Variants in EEA1 observed in about 807,000 individuals in gnomAD.
The protein encoded by EEA1 is early endosome antigen 1, 162kD.
EEA1 carries 111 observed loss-of-function variants against 209.2 expected under a neutral mutation model. The observed-to-expected ratio is 0.53, with a 90% CI of 0.45 to 0.62. The LOEUF is 0.62. EEA1 is among the 20% of genes least tolerant of loss of function. The pLI is 0.00. For missense variants in EEA1, 1,343 were observed against 1,530.8 expected (o/e 0.88, Z 2.05); for synonymous variants, 536 against 540.6 (o/e 0.99, Z 0.12).
At chr12:92,805,870 A>G (rs1390242067) in intron 18 of EEA1, among the ~76,000 whole-genome samples, 2 of 152,200 alleles carry the variant, frequency 1.3e-5, no homozygotes, top group Non-Finnish European at 2.9e-5. Flanking sequence ...CTTCTAAACC[A>G]ATCCACCCTT....
At chr12:92,844,256 G>A (rs1877299236) in intron 9 of EEA1, among the ~76,000 whole-genome samples, 1 of 151,942 alleles carries the variant, frequency 6.6e-6, no homozygotes, top group African/African-American at 2.4e-5. Context: ...GTTCCAGATG[G>A]GCTAAAAGTC....
At chr12:92,925,619 T>A (rs1250210876) in intron 1 of EEA1, among the ~76,000 whole-genome samples, 1 of 152,254 alleles carries the variant, frequency 6.6e-6, no homozygotes, top group South Asian at 2.1e-4. Flanking sequence ...TTTAAATTCA[T>A]GTTTTTCTTT....
In EEA1 at chr12:92,857,485, T is replaced by G; in HGVS notation, c.246A>C (p.Arg82=). Residue 82 remains arginine, a splice_region_variant and synonymous_variant, in exon 4 of 29, where the codon CGA becomes CGC. Transcript: ENST00000322349. Reference sequence around the variant, plus strand: ...CTTGTCTGAGCAGTGTTACATCATCTCTAAATAAAAATGGGAGGAAGGAAT... The same window carrying G: ...CTTGTCTGAGCAGTGTTACATCATCGCTAAATAAAAATGGGAGGAAGGAAT... The part of the protein sequence containing the change: ...HGGESNLALK[R]DDVTLLRQEV... 6.4e-7 allele frequency: 1 copy of G among 1,564,432 alleles called. No individual in the cohort carries two copies. The highest frequency in any genetic ancestry group is 1.3e-5 in the South Asian group (1 of 79,902).
intron 2 of EEA1, among the ~76,000 whole-genome samples, chr12:92,882,310 G>A (rs1211234852): frequency 1.3e-5 from 2 of 151,912 alleles, no homozygotes; most frequent in African/African-American, 2.4e-5. Flanking sequence ...GTTTCATCAC[G>A]TTGGCCAGGC....
chr12:92,920,446 T>A (rs1223660539), intron 1 of EEA1, among the ~76,000 whole-genome samples: 1 of 145,292 alleles, frequency 6.9e-6, no homozygotes, highest in East Asian at 1.9e-4. Flanking sequence ...TAACGCCGCA[T>A]ACCTACAACT....
At chr12:92,889,262 T>C (rs751470147) in intron 2 of EEA1, among the ~76,000 whole-genome samples, 1 of 147,788 alleles carries the variant, frequency 6.8e-6, no homozygotes, top group African/African-American at 2.5e-5. Flanking sequence ...CATGTGAAGG[T>C]TGCTTACCAA....
intron 21 of EEA1, among the ~76,000 whole-genome samples, chr12:92,793,022 C>T (rs527654769): frequency 1.6e-4 from 25 of 152,140 alleles, no homozygotes; most frequent in East Asian, 9.6e-4. Context: ...ACAGAACCAA[C>T]GACAAAAACC....
At chr12:92,830,114 T>A (rs531246610) in intron 11 of EEA1, among the ~76,000 whole-genome samples, 1 of 152,046 alleles carries the variant, frequency 6.6e-6, no homozygotes, top group East Asian at 1.9e-4. Context: ...ACACAACACA[T>A]ACATGCAAGA....
chr12:92,841,935 A>C (rs1375441619), intron 10 of EEA1, among the ~76,000 whole-genome samples: 1 of 152,238 alleles, frequency 6.6e-6, no homozygotes, highest in Non-Finnish European at 1.5e-5. Context: ...TGAAAGTGGC[A>C]TTACAGCCAA....
At position 92,832,611 on chromosome 12, in the gene EEA1, C is replaced by A. The variant is rs1396691784; in HGVS notation, c.1155G>T (p.Glu385Asp). ...CCGCCTTTAGATGCTGGTACTTGGT[C>A]TCTACCTCAGATAATTCTTCTTTGA... Reference protein sequence around the residue: ...QKLKEELSEVETKYQHLKAEF... With the variant: ...QKLKEELSEVDTKYQHLKAEF... The change falls in exon 11 of 29, where the codon GAG (glutamate) becomes GAT (aspartate). Residue 385 changes from glutamate to aspartate, a missense_variant. Coordinates refer to ENST00000322349, the MANE Select transcript of EEA1 (RefSeq NM_003566.4). 6.2e-7 allele frequency: 1 copy of A among 1,613,926 alleles called. No individual in the cohort carries two copies. The highest frequency in any genetic ancestry group is 1.3e-5 in the African/African-American group (1 of 74,928).
intron 22 of EEA1, among the ~76,000 whole-genome samples, chr12:92,783,230 C>A (rs1307045114): frequency 2.0e-5 from 3 of 152,154 alleles, no homozygotes; most frequent in African/African-American, 7.2e-5. Context: ...AGCCCCCAAT[C>A]TGTGGGATTT....
intron 2 of EEA1, chr12:92,879,201 ATTT>A (rs34766702): frequency 2.7e-4 from 64 of 233,862 alleles, no homozygotes; most frequent in Non-Finnish European, 3.9e-4. Flanking sequence ...TGGATTCTGG[ATTT>A]TTTTTTTTTT....
intron 12 of EEA1, among the ~76,000 whole-genome samples, chr12:92,826,615 T>C (rs1473694017): frequency 6.7e-6 from 1 of 149,818 alleles, no homozygotes; most frequent in African/African-American, 2.5e-5. Flanking sequence ...CTCAGGAGGC[T>C]GAGGCAGGAG....
At chr12:92,892,908 G>GC (rs1879713916) in intron 1 of EEA1, among the ~76,000 whole-genome samples, 1 of 152,150 alleles carries the variant, frequency 6.6e-6, no homozygotes, top group South Asian at 2.1e-4. Flanking sequence ...GTGATTACAG[G>GC]CATGAGCCAC....
chr12:92,839,397 A>G (rs61933758), intron 10 of EEA1, among the ~76,000 whole-genome samples: 39,222 of 152,136 alleles, frequency 0.26, 5,559 homozygotes, highest in Non-Finnish European at 0.32. Context: ...TGAGCACAGT[A>G]TCAAATAAAG....
intron 2 of EEA1, among the ~76,000 whole-genome samples, chr12:92,875,800 G>A (rs1565845706): frequency 6.6e-6 from 1 of 152,100 alleles, no homozygotes; most frequent in Non-Finnish European, 1.5e-5. Flanking sequence ...TGCTCACTAT[G>A]CTACAGCTAC....
rs143715672 is a variant in EEA1, at chr12:92,832,514, G to T, written c.1252C>A (p.Gln418Lys). The T allele has an allele frequency of 6.4e-5, 103 of 1,603,842 alleles. No individual in the cohort carries two copies. The highest frequency in any genetic ancestry group is 8.3e-5 in the Non-Finnish European group (98 of 1,176,356). The change falls in exon 11 of 29, where the codon CAA becomes AAA. Residue 418 changes from glutamine (Q) to lysine (K), a missense_variant and splice_region_variant. Transcript: ENST00000322349. ...HGLQLQSEIN[Q>K]LHSKLLETER... ...TAAATAAAATTAACAGCTCTTACTTGATTAATTTCACTTTGGAGTTGTAAC... is the reference window on the plus strand; with the variant it reads ...TAAATAAAATTAACAGCTCTTACTTTATTAATTTCACTTTGGAGTTGTAAC...
In EEA1 at chr12:92,842,491, C is replaced by T; in HGVS notation, c.889G>A (p.Val297Ile). 3 of 1,600,438 alleles carry T rather than the reference C, an allele frequency of 1.9e-6. No homozygotes were observed. The highest frequency in any genetic ancestry group is 2.6e-6 in the Non-Finnish European group (3 of 1,171,644). Residue 297 changes from valine (V) to isoleucine (I), a missense_variant, in exon 10 of 29, where the codon GTT (valine) becomes ATT (isoleucine). Val to Ile is a conservative substitution (Grantham distance 29). Coordinates refer to ENST00000322349, the MANE Select transcript of EEA1 (RefSeq NM_003566.4). Reference protein sequence around the residue: ...VQELQKLKSSVNELTQKNQTL... With the variant: ...VQELQKLKSSINELTQKNQTL... ...TGATTTTTTTGTGTTAATTCATTAA[C>T]TGAACTTTTCAGTTTTTGTAGTTCC...
At chr12:92,877,546 T>TG (rs918303382) in intron 2 of EEA1, among the ~76,000 whole-genome samples, 6 of 152,148 alleles carry the variant, frequency 3.9e-5, no homozygotes, top group African/African-American at 1.2e-4. Flanking sequence ...TTTTTTTTTT[T>TG]GAGACAAAGT....
Sources: allele counts gnomAD v4.1 joint callset (sites outside exome capture counted in the v4.1 genomes callset), GRCh38; gene constraint gnomAD v4.1.1; transcripts MANE v1.5; gene names NCBI Gene and HGNC (gene_info 2026-07-23, HGNC 2026-07-21).